Variants in NNT observed in about 807,000 individuals in gnomAD.
The protein encoded by NNT is NAD(P) transhydrogenase, mitochondrial.
NNT carries 50 observed loss-of-function variants against 104.8 expected under a neutral mutation model. The observed-to-expected ratio is 0.48, with a 90% CI of 0.38 to 0.60. The LOEUF is 0.60. NNT is among the 20% of genes least tolerant of loss of function. NNT has a pLI of 0.00. For missense variants in NNT, 1,131 were observed against 1,330.7 expected (o/e 0.85, Z 2.33); for synonymous variants, 461 against 490.4 (o/e 0.94, Z 0.79).
Position 43,695,253 on chromosome 5 carries a change from T to G in NNT, c.2877-4866T>G, listed in dbSNP as rs117864749. 9.2e-5 allele frequency among the ~76,000 whole-genome samples: 14 copies of G among 152,336 alleles called. No individual in the cohort carries two copies. The East Asian group carries it at 2.7e-3, about 29-fold the overall frequency. ...ACCATCTATAGCTCTTTTCAGGTCT[T>G]CCTTTTAGGAAGGGGTCAAGTCCTA... On this transcript the variant is annotated intron_variant, in intron 19 of 21. Coordinates refer to ENST00000344920, the MANE Select transcript of NNT (RefSeq NM_182977.3).
chr5:43,682,895 ATTAG>A (rs1429078167), intron 19 of NNT, among the ~76,000 whole-genome samples: 2 of 152,226 alleles, frequency 1.3e-5, no homozygotes, highest in African/African-American at 4.8e-5. Context: ...TGGAATTTAC[ATTAG>A]TTAATTAATT....
chr5:43,696,653 C>A (rs1742573578), intron 19 of NNT, among the ~76,000 whole-genome samples: 1 of 152,252 alleles, frequency 6.6e-6, no homozygotes, highest in Non-Finnish European at 1.5e-5. Context: ...TGGCAGACTT[C>A]TGCCTGGGCA....
chr5:43,675,920 G>A (rs1006983424), intron 18 of NNT, among the ~76,000 whole-genome samples: 3 of 152,092 alleles, frequency 2.0e-5, no homozygotes, highest in Non-Finnish European at 2.9e-5. Context: ...GTGATTATGT[G>A]TACATGTTTA....
At chr5:43,616,832 T>C (rs1308412348) in intron 4 of NNT, among the ~76,000 whole-genome samples, 1 of 152,164 alleles carries the variant, frequency 6.6e-6, no homozygotes, top group African/African-American at 2.4e-5. Flanking sequence ...GGAAATGGGA[T>C]AAGGCTTATG....
intron 20 of NNT, 110 bp downstream of exon 20, chr5:43,700,347 A>G (rs1373111718): frequency 2.9e-6 from 2 of 679,482 alleles, no homozygotes; most frequent in Non-Finnish European, 2.5e-6. Flanking sequence ...TCAGATGAAA[A>G]AGAACTTGTA....
At chr5:43,676,342 A>G (rs1165636707) in intron 18 of NNT, among the ~76,000 whole-genome samples, 1 of 152,248 alleles carries the variant, frequency 6.6e-6, no homozygotes, top group Middle Eastern at 3.2e-3. Flanking sequence ...CTATCATGTT[A>G]TCAAATGAGT....
chr5:43,692,741 T>C (rs946832521), intron 19 of NNT, among the ~76,000 whole-genome samples: 5 of 152,248 alleles, frequency 3.3e-5, no homozygotes, highest in Admixed American at 6.5e-5. Context: ...TGCTTCTTTC[T>C]TTCTTTGTTT....
chr5:43,703,097 C>T (rs139261200), intron 21 of NNT, among the ~76,000 whole-genome samples: 1 of 152,268 alleles, frequency 6.6e-6, no homozygotes, highest in East Asian at 1.9e-4. Flanking sequence ...CCTTCATATG[C>T]CAAGATGAGC....
chr5:43,651,864 A>C lies in NNT; in HGVS notation c.1843A>C (p.Ser615Arg), dbSNP rs1220550635. 1 of 1,614,168 alleles carries C rather than the reference A, an allele frequency of 6.2e-7. No individual in the cohort carries two copies. The highest frequency in any genetic ancestry group is 1.3e-5 in the African/African-American group (1 of 75,042). The stretch of plus-strand genomic sequence containing the variant: ...TGGTGGATATTTAGCTGCCCTCTAC[A>C]GTGGTTATAACATTGAACAGGTAAG... ...FVGGYLAALY[S>R]GYNIEQIMYL... The change falls in exon 13 of 22, where the codon AGT (serine) becomes CGT (arginine). Residue 615 changes from serine (S) to arginine (R), a missense_variant. Ser to Arg is a moderately radical substitution (Grantham distance 110, BLOSUM62 -1). Coordinates refer to ENST00000344920, the MANE Select transcript of NNT (RefSeq NM_182977.3).
At chr5:43,638,281 C>T (rs901424332) in intron 7 of NNT, among the ~76,000 whole-genome samples, 7 of 152,050 alleles carry the variant, frequency 4.6e-5, no homozygotes. Context: ...TTTATAGCAG[C>T]GTGAGATCAG....
chr5:43,694,873 G>A (rs1028351178), intron 19 of NNT, among the ~76,000 whole-genome samples: 2 of 151,650 alleles, frequency 1.3e-5, no homozygotes. Context: ...CATTTCTGTA[G>A]GAATGGTACC....
intron 20 of NNT, among the ~76,000 whole-genome samples, chr5:43,700,742 G>A (rs1024550215): frequency 9.9e-5 from 15 of 152,206 alleles, no homozygotes; most frequent in African/African-American, 2.2e-4. Flanking sequence ...GGTGCTGTAC[G>A]TTATAGCTGT....
intron 17 of NNT, among the ~76,000 whole-genome samples, chr5:43,668,977 C>T (rs1740879346): frequency 6.6e-6 from 1 of 152,132 alleles, no homozygotes; most frequent in African/African-American, 2.4e-5. Flanking sequence ...TTGTAGTTCT[C>T]CTTGAAGAGG....
intron 1 of NNT, among the ~76,000 whole-genome samples, chr5:43,606,662 G>A (rs563900236): frequency 2.0e-5 from 3 of 152,142 alleles, no homozygotes; most frequent in East Asian, 1.9e-4. Context: ...CATCTCAAAC[G>A]GCTTTCCCTT....
chr5:43,615,113 C>T (rs1030782347), intron 3 of NNT, among the ~76,000 whole-genome samples: 2 of 151,208 alleles, frequency 1.3e-5, no homozygotes, highest in South Asian at 2.1e-4. Flanking sequence ...GTCCGCAGTC[C>T]GGCCTGGGCG....
In NNT at chr5:43,649,003, C is replaced by G. The variant is rs931957614; in HGVS notation, c.1445-144C>G. On this transcript the variant is annotated intron_variant, in intron 10 of 21. Coordinates refer to ENST00000344920, the MANE Select transcript of NNT (RefSeq NM_182977.3). The stretch of plus-strand genomic sequence containing the variant: ...CTCCATCCCCCCACTTCTCAACTGT[C>G]AAATGTCTAAAAAATCTGCTCATTA... The G allele has an allele frequency of 2.3e-5, 22 of 947,642 alleles. No individual in the cohort carries two copies. The African/African-American group carries it at 3.1e-4, about 13-fold the overall frequency. The allele number at this position is 947,642 out of a possible 1,614,324, so 58.7% of individuals were successfully genotyped here. A position where few individuals can be genotyped will look rare whatever the true frequency, so the allele number is the denominator to read the frequency against.
At chr5:43,628,823 G>A (rs1750511103) in intron 7 of NNT, among the ~76,000 whole-genome samples, 1 of 152,150 alleles carries the variant, frequency 6.6e-6, no homozygotes, top group Non-Finnish European at 1.5e-5. Flanking sequence ...CTGACCTCAG[G>A]TGATCCGCCC....
rs747318113 is a variant in NNT, at chr5:43,656,683, C to T, written c.2324C>T (p.Pro775Leu). 1 of 1,613,792 alleles carries T rather than the reference C, an allele frequency of 6.2e-7. No homozygotes were observed. The highest frequency in any genetic ancestry group is 8.5e-7 in the Non-Finnish European group (1 of 1,179,918). ...GLLKSAPLLL[P>L]GRHLLNAGLL... ...CTGAAATCTGCCCCTCTCCTACTGC[C>T]TGGAAGGCACTTACTCAATGCAGGC... The change falls in exon 16 of 22, where the codon CCT becomes CTT. Residue 775 changes from proline to leucine, a missense_variant. Physicochemically the swap from Pro to Leu is moderately conservative, Grantham distance 98 (BLOSUM62 -3). Coordinates refer to ENST00000344920, the MANE Select transcript of NNT (RefSeq NM_182977.3).
intron 21 of NNT, among the ~76,000 whole-genome samples, chr5:43,703,756 G>T (rs1246117363): frequency 6.6e-6 from 1 of 152,132 alleles, no homozygotes; most frequent in East Asian, 1.9e-4. Flanking sequence ...CTCTGCTATT[G>T]TGAGAAGCTG....
Sources: allele counts gnomAD v4.1 joint callset (sites outside exome capture counted in the v4.1 genomes callset), GRCh38; gene constraint gnomAD v4.1.1; transcripts MANE v1.5; gene names NCBI Gene and HGNC (gene_info 2026-07-23, HGNC 2026-07-21).